TNS1: variants seen among roughly 807,000 people sequenced by gnomAD.
TNS1 encodes the protein tensin 1.
Under a neutral mutation model 168.6 loss-of-function variants are expected in TNS1, and 62 were observed. The ratio of observed to expected loss-of-function variants is 0.37; its 90% CI spans 0.30 to 0.45. The LOEUF is 0.45. TNS1 is among the 20% of genes least tolerant of loss of function. The probability of loss-of-function intolerance (pLI) is 1.00; values close to 1 mark genes in which losing one functional copy is unlikely to be tolerated. For missense variants in TNS1, 2,240 were observed against 2,339.4 expected (o/e 0.96, Z 0.88); for synonymous variants, 934 against 933.2 (o/e 1.00, Z -0.02).
rs1392627131 is a variant in TNS1, at chr2:217,995,195, C to T, written c.34-4139G>A. On this transcript the variant is annotated intron_variant, in intron 1 of 32. Transcript: ENST00000682258. The surrounding 1 kb of genome is among the most constrained non-coding windows in gnomAD (Gnocchi z 4.1). ...CACCTCCAGGCAAGTGGCCCCCAGGCTCTGCTGGCATCCACTTAGTTCCGC... is the reference window on the plus strand; with the variant it reads ...CACCTCCAGGCAAGTGGCCCCCAGGTTCTGCTGGCATCCACTTAGTTCCGC... 6.6e-6 allele frequency among the ~76,000 whole-genome samples: 1 copy of T among 152,192 alleles called. No homozygotes were observed. Among genetic ancestry groups the T allele is most frequent in the Non-Finnish European group, 1.5e-5 (1 of 68,038 alleles).
intron 32 of TNS1, among the ~76,000 whole-genome samples, chr2:217,805,550 ACACCACACACAC>A (rs2125039602): frequency 4.0e-5 from 1 of 24,822 alleles, no homozygotes; most frequent in African/African-American, 1.5e-4. Context: ...ACACCACCAC[ACACCACACACAC>A]CACCACACAC....
intron 1 of TNS1, among the ~76,000 whole-genome samples, chr2:217,996,505 C>A (rs1958473421): frequency 1.3e-5 from 2 of 152,124 alleles, no homozygotes; most frequent in Non-Finnish European, 2.9e-5. Flanking sequence ...ACAAATCCCC[C>A]ACCCCCATGC....
chr2:217,806,274 G>C (rs549178218), intron 32 of TNS1, among the ~76,000 whole-genome samples: 1 of 152,374 alleles, frequency 6.6e-6, no homozygotes, highest in South Asian at 2.1e-4. Flanking sequence ...AGAAGCCTCA[G>C]CCCGCAAGGG....
chr2:217,966,308 TGCGCGC>T (rs1553621681), intron 3 of TNS1, among the ~76,000 whole-genome samples: 28 of 133,742 alleles, frequency 2.1e-4, no homozygotes, highest in Admixed American at 9.5e-4. Flanking sequence ...TGTGTGTGTG[TGCGCGC>T]GCGCGCGTGT....
intron 19 of TNS1, among the ~76,000 whole-genome samples, chr2:217,843,019 A>G (rs1253493120): frequency 6.6e-6 from 1 of 152,078 alleles, no homozygotes; most frequent in African/African-American, 2.4e-5. Context: ...AAGGATCTTT[A>G]TTTGCCACCA....
rs752642025 is a variant in TNS1 at position 217,813,257 on chromosome 2, T to C, written c.4912A>G (p.Arg1638Gly). Residue 1638 changes from arginine to glycine, a missense_variant, in exon 27 of 33, where the codon AGA becomes GGA. By Grantham distance (125) the Arg-to-Gly change is moderately radical. Around this residue, in one of 2 missense-constraint regions of TNS1, gnomAD observed 2,131 missense variants for 2,171.2 expected, o/e 0.98. Transcript: ENST00000682258. The surrounding 1 kb of genome is among the most constrained non-coding windows in gnomAD (Gnocchi z 4.0). Reference sequence around the variant, plus strand: ...GGGCAGCCCTTGAGCTTGACTCCTCTGGGGCCAGTCTCTATCAGAAAATGC... The same window carrying C: ...GGGCAGCCCTTGAGCTTGACTCCTCCGGGGCCAGTCTCTATCAGAAAATGC... The part of the protein sequence containing the change: ...VRHFLIETGP[R>G]GVKLKGCPNE... The C allele has an allele frequency of 1.9e-6, 3 of 1,602,836 alleles. No homozygotes were observed. Among genetic ancestry groups the C allele is most frequent in the East Asian group, 2.2e-5 (1 of 44,584 alleles).
intron 1 of TNS1, among the ~76,000 whole-genome samples, chr2:218,008,264 C>T (rs1958677374): frequency 6.6e-6 from 1 of 152,194 alleles, no homozygotes; most frequent in Admixed American, 6.5e-5. Context: ...TGACTCAGGC[C>T]CCGCAAAGGC....
chr2:217,911,150 C>G (rs1954360462), intron 4 of TNS1, among the ~76,000 whole-genome samples: 1 of 152,206 alleles, frequency 6.6e-6, no homozygotes, highest in South Asian at 2.1e-4. Flanking sequence ...CTTAAGGTCC[C>G]CAGGCTTTCC....
At chr2:217,815,230 G>A (rs1295991376) in intron 24 of TNS1, 3 of 519,240 alleles carry the variant, frequency 5.8e-6, no homozygotes, top group Admixed American at 3.1e-5. Flanking sequence ...ACACAGGGGA[G>A]AGCACCATGG....
At chr2:217,843,678 C>T (rs1946278696) in intron 19 of TNS1, among the ~76,000 whole-genome samples, 1 of 152,202 alleles carries the variant, frequency 6.6e-6, no homozygotes. Flanking sequence ...CACTGCTAAT[C>T]TCCTGCCCTT....
chr2:217,862,987 C>A (rs184834249), intron 18 of TNS1, among the ~76,000 whole-genome samples: 1 of 152,344 alleles, frequency 6.6e-6, no homozygotes, highest in Admixed American at 6.5e-5. Flanking sequence ...GTGGCCAGGG[C>A]CCCTCACCCA....
At chr2:217,904,130 G>T (rs944092996) in intron 6 of TNS1, among the ~76,000 whole-genome samples, 1 of 152,158 alleles carries the variant, frequency 6.6e-6, no homozygotes, top group African/African-American at 2.4e-5. Flanking sequence ...TCCTCTGGGG[G>T]CTGTGGCCAA....
In TNS1 at chr2:217,966,951, C is replaced by T. The variant is rs190779317; in HGVS notation, c.186+11814G>A. Among the ~76,000 whole-genome samples, 8 of 152,328 alleles carry T rather than the reference C, an allele frequency of 5.3e-5. 1 individual carries two copies. In the East Asian group the frequency reaches 1.5e-3, roughly 29 times the overall value. On this transcript the variant is annotated intron_variant, in intron 3 of 32. Coordinates refer to ENST00000682258, the MANE Select transcript of TNS1 (RefSeq NM_001387777.1). ...CATCTGACAGTGTGAACAATCACAT[C>T]TGCTTTATATGTGGTATTTCAAGGA...
intron 3 of TNS1, among the ~76,000 whole-genome samples, chr2:217,925,884 T>C (rs1203445161): frequency 6.6e-6 from 1 of 152,206 alleles, no homozygotes; most frequent in Non-Finnish European, 1.5e-5. Flanking sequence ...AGAGTAATCA[T>C]ATAATATTTG....
intron 18 of TNS1, chr2:217,859,534 C>T (rs766098552): frequency 1.4e-5 from 14 of 1,035,048 alleles, no homozygotes; most frequent in Non-Finnish European, 2.0e-5. Flanking sequence ...GACAGGAGCC[C>T]CAACATGAAG....
chr2:218,020,513 C>A (rs1205590140), intron 1 of TNS1, among the ~76,000 whole-genome samples: 1 of 151,976 alleles, frequency 6.6e-6, no homozygotes, highest in South Asian at 2.1e-4. Context: ...GGGGAACCAC[C>A]GAGAAGCAGC....
At chr2:217,926,556 T>C (rs1956036739) in intron 3 of TNS1, among the ~76,000 whole-genome samples, 1 of 152,154 alleles carries the variant, frequency 6.6e-6, no homozygotes, top group Non-Finnish European at 1.5e-5. Context: ...CTGGGTGCTT[T>C]ACATACCTTA....
intron 18 of TNS1, among the ~76,000 whole-genome samples, chr2:217,864,315 G>A (rs1949065916): frequency 6.6e-6 from 1 of 152,224 alleles, no homozygotes; most frequent in Non-Finnish European, 1.5e-5. Context: ...AATGGAATGA[G>A]GCAGGCATGT....
chr2:217,903,148 T>G (rs962606114), intron 6 of TNS1, among the ~76,000 whole-genome samples: 2 of 152,150 alleles, frequency 1.3e-5, no homozygotes, highest in African/African-American at 4.8e-5. Context: ...CCAATCTTCA[T>G]GCTCATTCTC....
Sources: gnomAD v4.1 joint callset for allele counts (sites outside exome capture counted in the v4.1 genomes callset) on GRCh38, gnomAD v4.1.1 for gene constraint, gnomAD v4.1.1 regional missense constraint, Gnocchi (gnomAD v3.1) non-coding constraint, MANE v1.5 for transcripts, NCBI Gene and HGNC (gene_info 2026-07-23, HGNC 2026-07-21) for gene names.